SYNPO2: variants seen among roughly 807,000 people sequenced by gnomAD.
SYNPO2 encodes synaptopodin-2.
In SYNPO2, 56 loss-of-function variants were observed where a neutral mutation model predicts 85.0. That is an observed-to-expected ratio of 0.66 (90% CI 0.53 to 0.82). SYNPO2 has a LOEUF of 0.82. Ranked by LOEUF, SYNPO2 falls within the 40% of genes least tolerant of loss-of-function variation. The pLI is 0.00. For missense variants in SYNPO2, 1,575 were observed against 1,534.2 expected, an observed-to-expected ratio of 1.03 and a Z score of -0.44; for synonymous variants, 602 against 591.1, an observed-to-expected ratio of 1.02 and a Z score of -0.27.
intron 1 of SYNPO2, among the ~76,000 whole-genome samples, chr4:119,003,446 C>G (rs999521512): frequency 6.6e-6 from 1 of 152,204 alleles, no homozygotes; most frequent in African/African-American, 2.4e-5. Flanking sequence ...AACCATATCA[C>G]TGCTATTCAA....
chr4:118,976,235 C>T lies in SYNPO2; in HGVS notation c.106-47195C>T, dbSNP rs557179673. Among the ~76,000 whole-genome samples the T allele has an allele frequency of 1.5e-3, 226 of 152,056 alleles. 1 individual carries two copies. Among genetic ancestry groups the T allele is most frequent in the African/African-American group, 5.2e-3 (215 of 41,512 alleles). The stretch of plus-strand genomic sequence containing the variant: ...TTTCCTTCTGGTGGGTTCGTGGTCT[C>T]GCTGGCTCAGGAGTGAAGCTGCAGA... On this transcript the variant is annotated intron_variant, in intron 1 of 4. Transcript: ENST00000307142.
chr4:119,026,621 G>C lies in SYNPO2; in HGVS notation c.258-6G>C. 1 of 1,586,822 alleles carries C rather than the reference G, an allele frequency of 6.3e-7. No individual in the cohort carries two copies. The stretch of plus-strand genomic sequence containing the variant: ...TAAGTGTCTGGAATGATTTTTCTGT[G>C]TGCAGACCATCCAGTGGAATAAGTG... On this transcript the variant is annotated splice_polypyrimidine_tract_variant and splice_region_variant and intron_variant, in intron 2 of 4. Transcript: ENST00000307142.
At chr4:118,949,194 G>T (rs1313765725) in intron 1 of SYNPO2, among the ~76,000 whole-genome samples, 1 of 152,166 alleles carries the variant, frequency 6.6e-6, no homozygotes, top group Non-Finnish European at 1.5e-5. Flanking sequence ...TGGACCTCTA[G>T]AGAGCCACAA....
chr4:118,921,146 A>T (rs1296988530), intron 1 of SYNPO2, among the ~76,000 whole-genome samples: 1 of 152,086 alleles, frequency 6.6e-6, no homozygotes, highest in Admixed American at 6.5e-5. Context: ...GCCTCAACAG[A>T]TCCTCCCACC....
intron 4 of SYNPO2, among the ~76,000 whole-genome samples, chr4:119,053,561 G>A (rs867136425): frequency 3.7e-4 from 57 of 152,132 alleles, no homozygotes; most frequent in Middle Eastern, 6.8e-3. Flanking sequence ...TTCAATCCTA[G>A]GTTTTAATTT....
intron 1 of SYNPO2, among the ~76,000 whole-genome samples, chr4:118,992,670 C>A (rs547121853): frequency 6.6e-6 from 1 of 152,092 alleles, no homozygotes; most frequent in African/African-American, 2.4e-5. Context: ...CTCCTCTCAC[C>A]ATCCCTGAGC....
At chr4:118,960,772 AC>A (rs371845463) in intron 1 of SYNPO2, among the ~76,000 whole-genome samples, 185 of 152,170 alleles carry the variant, frequency 1.2e-3, no homozygotes, top group African/African-American at 4.4e-3. Flanking sequence ...TGGGGATTAG[AC>A]CCAAGTACTC....
At chr4:118,879,270 A>C (rs538587726) in intron 1 of SYNPO2, among the ~76,000 whole-genome samples, 1 of 152,188 alleles carries the variant, frequency 6.6e-6, no homozygotes, top group Admixed American at 6.5e-5. Flanking sequence ...GGAATGAACC[A>C]ATTCTGAACA....
chr4:118,990,512 C>T (rs6825054), intron 1 of SYNPO2, among the ~76,000 whole-genome samples: 34,054 of 152,078 alleles, frequency 0.22, 4,003 homozygotes, highest in South Asian at 0.33. Flanking sequence ...GGTCCTTGTT[C>T]TCATGGATCT....
intron 1 of SYNPO2, among the ~76,000 whole-genome samples, chr4:118,950,223 GT>G (rs1182842854): frequency 6.6e-6 from 1 of 152,158 alleles, no homozygotes; most frequent in Non-Finnish European, 1.5e-5. Context: ...AATACCAATG[GT>G]TGCATATAAT....
chr4:118,870,372 A>C (rs1317141357), intron 1 of SYNPO2, among the ~76,000 whole-genome samples: 1 of 152,198 alleles, frequency 6.6e-6, no homozygotes, highest in Admixed American at 6.5e-5. Flanking sequence ...TTTATTAAGC[A>C]GTTGTTATAT....
rs190543732 is a variant in SYNPO2, at chr4:118,876,972, T to A, written c.12+26032T>A. ...TGCTCACTCTGCCCATCTAATTAAA[T>A]TTTTTTTTTTTCTTGTAGAGACAAG... On this transcript the variant is annotated intron_variant, in intron 1 of 4. Transcript: ENST00000610556. 3.1e-3 allele frequency among the ~76,000 whole-genome samples: 446 copies of A among 145,716 alleles called. 4 individuals carry two copies. Among genetic ancestry groups the A allele is most frequent in the African/African-American group, 0.011 (421 of 39,976 alleles).
intron 1 of SYNPO2, among the ~76,000 whole-genome samples, chr4:118,948,385 T>G (rs566870892): frequency 4.0e-4 from 61 of 152,344 alleles, no homozygotes; most frequent in African/African-American, 1.2e-3. Flanking sequence ...CAAGTTTTTA[T>G]TGTAGTGTGA....
chr4:118,965,280 A>AC (rs1195604146), intron 1 of SYNPO2, among the ~76,000 whole-genome samples: 14 of 151,244 alleles, frequency 9.3e-5, no homozygotes, highest in East Asian at 7.8e-4. Context: ...ATTTGCCAGC[A>AC]CCCCCCCACC....
intron 1 of SYNPO2, among the ~76,000 whole-genome samples, chr4:118,880,305 G>C (rs536537391): frequency 1.5e-4 from 23 of 152,214 alleles, no homozygotes; most frequent in Admixed American, 5.2e-4. Context: ...TCTTGTTATG[G>C]GGGGAATTAT....
At chr4:118,928,986 T>C (rs1733829317) in intron 1 of SYNPO2, among the ~76,000 whole-genome samples, 1 of 152,142 alleles carries the variant, frequency 6.6e-6, no homozygotes, top group Non-Finnish European at 1.5e-5. Context: ...TCCATAGAAG[T>C]TTGTGAGCTC....
chr4:118,950,194 C>A (rs1313278678), intron 1 of SYNPO2, among the ~76,000 whole-genome samples: 1 of 152,120 alleles, frequency 6.6e-6, no homozygotes, highest in Non-Finnish European at 1.5e-5. Context: ...ATAACACCCA[C>A]AAAAGGCAAG....
chr4:118,862,960 G>A (rs910632991), intron 1 of SYNPO2, among the ~76,000 whole-genome samples: 2 of 151,958 alleles, frequency 1.3e-5, no homozygotes, highest in Non-Finnish European at 2.9e-5. Context: ...ACAGGCTCCC[G>A]CCACCTCACC....
chr4:118,998,491 A>G (rs1246530697), intron 1 of SYNPO2, among the ~76,000 whole-genome samples: 3 of 152,244 alleles, frequency 2.0e-5, no homozygotes, highest in African/African-American at 7.2e-5. Flanking sequence ...AGAGAATTTC[A>G]GTAAACCAGA....
Sources: allele counts gnomAD v4.1 joint callset (sites outside exome capture counted in the v4.1 genomes callset), GRCh38; gene constraint gnomAD v4.1.1; transcripts MANE v1.5; gene names NCBI Gene and HGNC (gene_info 2026-07-23, HGNC 2026-07-21).